Variants in DLX3 observed in about 807,000 individuals in gnomAD.
DLX3 encodes homeobox protein DLX-3.
Under a neutral mutation model 28.0 loss-of-function variants are expected in DLX3, and 9 were observed. That is an observed-to-expected ratio of 0.32 (90% confidence interval 0.19 to 0.56). The LOEUF (loss-of-function observed/expected upper bound fraction) is 0.56, where lower values mean the gene tolerates loss of function less well. DLX3 is among the 20% of genes least tolerant of loss of function. DLX3 has a pLI of 0.91. For synonymous variants in DLX3, 154 were observed against 167.9 expected (o/e 0.92, Z 0.64); for missense variants, 313 against 378.2 (o/e 0.83, Z 1.43).
In DLX3 at chr17:49,991,439, A is replaced by AT; in HGVS notation, c.*77dup. The AT allele has an allele frequency of 7.8e-7, 1 of 1,276,786 alleles. No homozygotes were observed. Among genetic ancestry groups the AT allele is most frequent in the Non-Finnish European group, 1.1e-6 (1 of 934,212 alleles). The allele number at this position is 1,276,786 out of a possible 1,614,324, so 79.1% of individuals were successfully genotyped here. On this transcript the variant is annotated 3_prime_UTR_variant, in exon 3 of 3. Coordinates refer to ENST00000434704, the MANE Select transcript of DLX3 (RefSeq NM_005220.3). ...TTCCTTTTCCCTGTGCTCCTCGATG[A>AT]TTCCTGAGTGGCTAGGACGGAGGCG...
chr17:49,991,943 A>C, intron 2 of DLX3, 79 bp from the exon 3 acceptor site: 3 of 1,418,766 alleles, frequency 2.1e-6, no homozygotes, highest in Non-Finnish European at 2.9e-6. Context: ...AGCCAAGAAA[A>C]AGAAAGGCCA....
chr17:49,990,784 G>A lies in DLX3; in HGVS notation c.*733C>T, dbSNP rs954322986. On this transcript the variant is annotated 3_prime_UTR_variant, in exon 3 of 3. Coordinates refer to ENST00000434704, the MANE Select transcript of DLX3 (RefSeq NM_005220.3). The stretch of plus-strand genomic sequence containing the variant: ...CAAAGTTGTGCAAAGTCCTGGACAT[G>A]GAAGAAATAAGTCCATAGGAAAAAC... 1 of 152,624 alleles carries A rather than the reference G, an allele frequency of 6.6e-6. No individual in the cohort carries two copies. The highest frequency in any genetic ancestry group is 6.5e-5 in the Admixed American group (1 of 15,280). 9.5% of individuals were successfully genotyped at this position (152,624 alleles called of 1,614,324 possible).
At chr17:49,992,916 A>G (rs1260014696) in intron 2 of DLX3, among the ~76,000 whole-genome samples, 2 of 152,216 alleles carry the variant, frequency 1.3e-5, no homozygotes, top group East Asian at 3.9e-4. Flanking sequence ...ATTTCTGAAC[A>G]TGCATTCAGA....
intron 1 of DLX3, among the ~76,000 whole-genome samples, chr17:49,994,220 C>A (rs1906200745): frequency 6.7e-6 from 1 of 148,844 alleles, no homozygotes; most frequent in Non-Finnish European, 1.5e-5. Flanking sequence ...CTTCCCTCCG[C>A]TTTCCCGCAA....
intron 1 of DLX3, chr17:49,993,846 T>C (rs1011417545): frequency 1.4e-5 from 3 of 219,014 alleles, no homozygotes; most frequent in Non-Finnish European, 8.7e-6. Context: ...AGCCGCCGCC[T>C]GCGCCAGGAC....
In DLX3 at chr17:49,994,680, C is replaced by T. The variant is rs1906215343; in HGVS notation, c.319G>A (p.Asp107Asn). The change falls in exon 1 of 3, where the codon GAC (aspartate) becomes AAC (asparagine). Residue 107 changes from aspartate to asparagine, a missense_variant. Asp to Asn is a conservative substitution (Grantham distance 23). Coordinates refer to ENST00000434704, the MANE Select transcript of DLX3 (RefSeq NM_005220.3). ...GCGACCCCGTGGCCCTCACCTGGGT[C>T]CTGGGCTGGCAGCGGCTGCTCCCGA... ...AYREQPLPAQ[D>N]PVSVKEEPEA... 1.2e-6 allele frequency: 2 copies of T among 1,614,162 alleles called. No homozygotes were observed. Among genetic ancestry groups the T allele is most frequent in the African/African-American group, 1.3e-5 (1 of 75,066 alleles).
chr17:49,992,004 A>G, intron 2 of DLX3, 140 bp from the exon 3 acceptor site: 1 of 821,412 alleles, frequency 1.2e-6, no homozygotes, highest in Non-Finnish European at 2.0e-6. Context: ...CCTGACTCCC[A>G]GTTTCTTGGA....
intron 1 of DLX3, 147 bp from the exon 2 acceptor site, chr17:49,993,737 CCA>C: frequency 1.2e-6 from 1 of 863,898 alleles, no homozygotes; most frequent in Non-Finnish European, 1.6e-6. Flanking sequence ...TGCCCGCGGC[CCA>C]GGGGGGAGCC....
chr17:49,993,744 G>A lies in DLX3; in HGVS notation c.326-154C>T. The A allele has an allele frequency of 5.2e-6, 4 of 773,540 alleles. 1 individual carries two copies. In the South Asian group the frequency reaches 9.5e-5, roughly 18 times the overall value. The allele number at this position is 773,540 out of a possible 1,614,324, so 47.9% of individuals were successfully genotyped here. A position where few individuals can be genotyped will look rare whatever the true frequency, so the allele number is the denominator to read the frequency against. ...CGCTCCGCTGCCCGCGGCCCAGGGG[G>A]GAGCCGCGGCCCCAGAGCCAGAACT... is the stretch of plus-strand genomic sequence containing the variant. On this transcript the variant is annotated intron_variant, in intron 1 of 2. Coordinates refer to ENST00000434704, the MANE Select transcript of DLX3 (RefSeq NM_005220.3).
intron 1 of DLX3, chr17:49,993,798 G>C (rs1313286507): frequency 1.1e-5 from 4 of 355,664 alleles, no homozygotes; most frequent in Non-Finnish European, 4.7e-6. Context: ...GGCGCTCCCA[G>C]CTCCGCGCCC....
At chr17:49,993,274 C>A in intron 2 of DLX3, 126 bp downstream of exon 2, 1 of 988,866 alleles carries the variant, frequency 1.0e-6, no homozygotes, top group Non-Finnish European at 1.5e-6. Context: ...ACCTCGCAGG[C>A]CCCCATCCCA....
intron 1 of DLX3, 198 bp from the exon 2 acceptor site, chr17:49,993,788 G>T: frequency 7.5e-6 from 3 of 401,302 alleles, no homozygotes; most frequent in Non-Finnish European, 8.2e-6. Context: ...CCCACAACGC[G>T]GCGCTCCCAG....
At position 49,991,426 on chromosome 17, in the gene DLX3, G is replaced by C. The variant is rs1906082538; in HGVS notation, c.*91C>G. ...GGGGGAAAGGGAGTTCCTTTTCCCT[G>C]TGCTCCTCGATGATTCCTGAGTGGC... On this transcript the variant is annotated 3_prime_UTR_variant, in exon 3 of 3. Transcript: ENST00000434704. The C allele has an allele frequency of 8.6e-7, 1 of 1,166,520 alleles. No individual in the cohort carries two copies. Among genetic ancestry groups the C allele is most frequent in the Admixed American group, 2.6e-5 (1 of 38,772 alleles). 72.3% of individuals were successfully genotyped at this position (1,166,520 alleles called of 1,614,324 possible). A position where few individuals can be genotyped will look rare whatever the true frequency, so the allele number is the denominator to read the frequency against.
intron 1 of DLX3, among the ~76,000 whole-genome samples, chr17:49,994,327 C>T (rs11079883): frequency 0.18 from 28,085 of 151,842 alleles, 3,028 homozygotes; most frequent in East Asian, 0.51. Flanking sequence ...CTGCCGCCTA[C>T]CCCCAAGCCC....
chr17:49,995,130 G>T lies in DLX3; in HGVS notation c.-132C>A, dbSNP rs150591955. 1,486 of 1,144,854 alleles carry T rather than the reference G, an allele frequency of 1.3e-3. 4 individuals carry two copies. Among genetic ancestry groups the T allele is most frequent in the Non-Finnish European group, 1.8e-3 (1,422 of 793,958 alleles). The allele number at this position is 1,144,854 out of a possible 1,614,324, so 70.9% of individuals were successfully genotyped here. A position where few individuals can be genotyped will look rare whatever the true frequency, so the allele number is the denominator to read the frequency against. Reference sequence around the variant, plus strand: ...CGAAGGGAGGACCCGGCCGCGTCTGGGGGGAGGGGGAGGCCGAGAGGCGCT... The same window carrying T: ...CGAAGGGAGGACCCGGCCGCGTCTGTGGGGAGGGGGAGGCCGAGAGGCGCT... On this transcript the variant is annotated 5_prime_UTR_variant, in exon 1 of 3. Transcript: ENST00000434704.
intron 1 of DLX3, 113 bp from the exon 2 acceptor site, chr17:49,993,703 G>A: frequency 7.9e-7 from 1 of 1,267,234 alleles, no homozygotes; most frequent in Non-Finnish European, 1.1e-6. Flanking sequence ...GACTCGCCGC[G>A]GGATTCCCGG....
intron 1 of DLX3, 70 bp from the exon 2 acceptor site, chr17:49,993,660 G>A (rs1906179893): frequency 1.9e-6 from 3 of 1,540,958 alleles, no homozygotes; most frequent in African/African-American, 2.8e-5. Flanking sequence ...GACCCTCCAG[G>A]GCCCCGCCGG....
intron 2 of DLX3, among the ~76,000 whole-genome samples, chr17:49,992,959 C>T (rs866069381): frequency 2.6e-5 from 4 of 152,226 alleles, no homozygotes; most frequent in African/African-American, 9.6e-5. Context: ...CAGTCACACA[C>T]ACATGCCCCC....
chr17:49,993,286 A>G, intron 2 of DLX3, 114 bp downstream of exon 2: 1 of 1,143,924 alleles, frequency 8.7e-7, no homozygotes, highest in Non-Finnish European at 1.2e-6. Context: ...CCCATCCCAA[A>G]GGCAAGAGTT....
Sources: gnomAD v4.1 joint callset for allele counts (sites outside exome capture counted in the v4.1 genomes callset) on GRCh38, gnomAD v4.1.1 for gene constraint, MANE v1.5 for transcripts, NCBI Gene and HGNC (gene_info 2026-07-23, HGNC 2026-07-21) for gene names.